The following TMEM62 variants were observed in gnomAD, a reference collection of about 807,000 sequenced individuals.
TMEM62 encodes the protein transmembrane protein 62.
TMEM62 carries 41 observed loss-of-function variants against 70.4 expected under a neutral mutation model. The ratio of observed to expected loss-of-function variants is 0.58; its 90% confidence interval spans 0.45 to 0.76. The LOEUF (loss-of-function observed/expected upper bound fraction) is 0.76, where lower values mean the gene tolerates loss of function less well. Ranked by LOEUF, TMEM62 falls within the 30% of genes least tolerant of loss-of-function variation. The probability of loss-of-function intolerance (pLI) is 0.00; values close to 1 mark genes in which losing one functional copy is unlikely to be tolerated. For synonymous variants in TMEM62, 268 were observed against 291.0 expected, an observed-to-expected ratio of 0.92 and a Z score of 0.80; for missense variants, 688 against 788.5, an observed-to-expected ratio of 0.87 and a Z score of 1.53.
At chr15:43,178,785 T>C (rs2041045996) in intron 12 of TMEM62, 74 bp downstream of exon 12, 2 of 833,682 alleles carry the variant, frequency 2.4e-6, no homozygotes, top group Non-Finnish European at 3.8e-6. Context: ...AGAATTAGAC[T>C]CTTGAGGGTA....
chr15:43,134,205 A>G, intron 1 of TMEM62, 52 bp from the exon 2 acceptor site: 3 of 1,581,984 alleles, frequency 1.9e-6, no homozygotes, highest in Non-Finnish European at 2.6e-6. Flanking sequence ...GCCCCTCCCC[A>G]TGCTGCCTCT....
chr15:43,145,388 G>A (rs1415002412), intron 4 of TMEM62, among the ~76,000 whole-genome samples: 2 of 151,858 alleles, frequency 1.3e-5, no homozygotes, highest in Non-Finnish European at 2.9e-5. Context: ...TGTATTTTTA[G>A]TAGAGATGGG....
At chr15:43,147,781 G>A (rs1470516181) in intron 5 of TMEM62, among the ~76,000 whole-genome samples, 3 of 152,056 alleles carry the variant, frequency 2.0e-5, no homozygotes, top group African/African-American at 7.2e-5. Context: ...TTTTTTAAAG[G>A]TAGAATTCAA....
chr15:43,135,362 G>T, intron 2 of TMEM62, 150 bp from the exon 3 acceptor site: 1 of 706,884 alleles, frequency 1.4e-6, no homozygotes, highest in Non-Finnish European at 2.1e-6. Context: ...TAGATGGCTC[G>T]ATTTGGACAT....
upstream of TMEM62, chr15:43,133,280 G>A (rs1316111978): frequency 2.0e-5 from 3 of 152,314 alleles, no homozygotes; most frequent in East Asian, 5.8e-4. Context: ...TAATCAGAAG[G>A]GGCCAGAGGA....
At chr15:43,174,335 T>G (rs1024573720) in intron 11 of TMEM62, among the ~76,000 whole-genome samples, 12 of 152,218 alleles carry the variant, frequency 7.9e-5, no homozygotes, top group Non-Finnish European at 1.2e-4. Flanking sequence ...GGGAGTATTG[T>G]AGTAATGATT....
At chr15:43,152,637 C>T (rs534772908) in intron 8 of TMEM62, among the ~76,000 whole-genome samples, 37 of 152,126 alleles carry the variant, frequency 2.4e-4, no homozygotes, top group Non-Finnish European at 2.4e-4. Flanking sequence ...TCAAGGGATC[C>T]GCCCTCCTAC....
intron 11 of TMEM62, among the ~76,000 whole-genome samples, chr15:43,172,779 A>C (rs1018976533): frequency 6.6e-6 from 1 of 152,208 alleles, no homozygotes; most frequent in African/African-American, 2.4e-5. Flanking sequence ...TTTTGATAGA[A>C]AAATATATAC....
chr15:43,133,203 T>C (rs1041829606), upstream of TMEM62: 1 of 151,080 alleles, frequency 6.6e-6, no homozygotes. Flanking sequence ...GTCTGAGAAG[T>C]GAAGGAAAGG....
chr15:43,163,313 A>C (rs1366577774), intron 10 of TMEM62, among the ~76,000 whole-genome samples: 1 of 152,132 alleles, frequency 6.6e-6, no homozygotes, highest in East Asian at 1.9e-4. Context: ...TATTATTTTA[A>C]TTTACTTTTG....
At position 43,170,033 on chromosome 15, in the gene TMEM62, T is replaced by A. The variant is rs929631305; in HGVS notation, c.1381+356T>A. Reference sequence around the variant, plus strand: ...GGACTGAGGCTCTGTCTAAAACTTGTCAGCAGAAAGGAATGTTTACGTTAA... The same window carrying A: ...GGACTGAGGCTCTGTCTAAAACTTGACAGCAGAAAGGAATGTTTACGTTAA... On this transcript the variant is annotated intron_variant, in intron 11 of 13. Coordinates refer to ENST00000260403, the MANE Select transcript of TMEM62 (RefSeq NM_024956.4). Among the ~76,000 whole-genome samples the A allele has an allele frequency of 5.3e-5, 8 of 152,322 alleles. No individual in the cohort carries two copies. The East Asian group carries it at 1.5e-3, about 29-fold the overall frequency.
At chr15:43,183,288 C>A (rs1486096268) in intron 13 of TMEM62, among the ~76,000 whole-genome samples, 1 of 152,222 alleles carries the variant, frequency 6.6e-6, no homozygotes, top group Admixed American at 6.5e-5. Context: ...GGTCTTCTCC[C>A]TGATATTCTT....
At position 43,184,790 on chromosome 15, in the gene TMEM62, C is replaced by T; in HGVS notation, c.*204C>T. The T allele has an allele frequency of 1.7e-6, 1 of 584,864 alleles. No individual in the cohort carries two copies. Among genetic ancestry groups the T allele is most frequent in the Non-Finnish European group, 3.0e-6 (1 of 330,734 alleles). 36.2% of individuals were successfully genotyped at this position (584,864 alleles called of 1,614,324 possible). A position where few individuals can be genotyped will look rare whatever the true frequency, so the allele number is the denominator to read the frequency against. ...CTGCAGAAAAGTCTCAAAAATAATG[C>T]CTTTATTCCTTCCCTCCCTAAGGAG... is the stretch of plus-strand genomic sequence containing the variant. On this transcript the variant is annotated 3_prime_UTR_variant, in exon 14 of 14. Coordinates refer to ENST00000260403, the MANE Select transcript of TMEM62 (RefSeq NM_024956.4).
intron 10 of TMEM62, among the ~76,000 whole-genome samples, chr15:43,167,051 T>C (rs1309357526): frequency 3.4e-4 from 52 of 151,894 alleles, no homozygotes; most frequent in Non-Finnish European, 2.7e-4. Context: ...AGCTGTTGGG[T>C]ACACCTCCCA....
chr15:43,178,887 A>C (rs1283366912), intron 12 of TMEM62, among the ~76,000 whole-genome samples, 176 bp downstream of exon 12: 5 of 152,262 alleles, frequency 3.3e-5, no homozygotes, highest in Admixed American at 1.3e-4. Flanking sequence ...AAGGACATTT[A>C]GTTAACACCA....
chr15:43,160,649 G>A (rs774309799), intron 9 of TMEM62, 32 bp from the exon 10 acceptor site: 2 of 1,214,908 alleles, frequency 1.6e-6, no homozygotes, highest in Non-Finnish European at 2.4e-6. Flanking sequence ...CCATGTACAT[G>A]AAAGTTACTT....
chr15:43,148,548 A>G (rs985478774), intron 5 of TMEM62, among the ~76,000 whole-genome samples: 1 of 152,172 alleles, frequency 6.6e-6, no homozygotes, highest in Admixed American at 6.5e-5. Context: ...CCTATTGCAG[A>G]GTTATTTTTA....
rs1422469214 is a variant in TMEM62 at position 43,167,773 on chromosome 15, T to G, written c.1297-1820T>G. ...GGCACTTTGGGAGGCCAAGGCAGGC[T>G]GCTGGGAGGTCGAGGTTGTAGCGAG... On this transcript the variant is annotated intron_variant, in intron 10 of 13. Coordinates refer to ENST00000260403, the MANE Select transcript of TMEM62 (RefSeq NM_024956.4). Among the ~76,000 whole-genome samples, 7 of 152,260 alleles carry G rather than the reference T, an allele frequency of 4.6e-5. No homozygotes were observed. In the East Asian group the frequency reaches 7.7e-4, roughly 17 times the overall value.
chr15:43,157,096 T>C (rs1185840286), intron 9 of TMEM62, among the ~76,000 whole-genome samples: 3 of 152,176 alleles, frequency 2.0e-5, no homozygotes, highest in Non-Finnish European at 4.4e-5. Context: ...AAGACACTTA[T>C]TATCTAATAT....
Sources: allele counts gnomAD v4.1 joint callset (sites outside exome capture counted in the v4.1 genomes callset), GRCh38; gene constraint gnomAD v4.1.1; transcripts MANE v1.5; gene names NCBI Gene and HGNC (gene_info 2026-07-23, HGNC 2026-07-21).